FOCAD: variants seen among roughly 807,000 people sequenced by gnomAD.
FOCAD encodes focadhesin, also known as KIAA1797.
Under a neutral mutation model 225.6 loss-of-function variants are expected in FOCAD, and 198 were observed. The observed-to-expected ratio is 0.88, with a 90% CI of 0.78 to 0.99. The LOEUF is 0.99. Among genes scored for constraint, FOCAD ranks in the 50% least tolerant of loss-of-function variants. FOCAD has a pLI of 0.00. For missense variants in FOCAD, 2,713 were observed against 2,123.6 expected, an observed-to-expected ratio of 1.28 and a Z score of -5.46; for synonymous variants, 897 against 755.0, an observed-to-expected ratio of 1.19 and a Z score of -3.08.
At chr9:20,759,915 A>G (rs1337388793) in intron 6 of FOCAD, among the ~76,000 whole-genome samples, 2 of 152,232 alleles carry the variant, frequency 1.3e-5, no homozygotes, top group African/African-American at 4.8e-5. Flanking sequence ...GAGATAAAGT[A>G]TTACTGCCAA....
chr9:20,795,843 T>A (rs895535591), intron 11 of FOCAD, among the ~76,000 whole-genome samples: 18 of 149,866 alleles, frequency 1.2e-4, no homozygotes, highest in Admixed American at 5.9e-4. Flanking sequence ...TTATTTATTT[T>A]TTGTTATACT....
At chr9:20,936,107 G>A (rs527363852) in intron 28 of FOCAD, among the ~76,000 whole-genome samples, 36 of 152,292 alleles carry the variant, frequency 2.4e-4, no homozygotes, top group African/African-American at 7.7e-4. Flanking sequence ...GAGCAACATC[G>A]TAGTTTTTTA....
intron 19 of FOCAD, among the ~76,000 whole-genome samples, chr9:20,881,602 A>T (rs1297370317): frequency 6.6e-6 from 1 of 152,160 alleles, no homozygotes; most frequent in African/African-American, 2.4e-5. Context: ...TGGATTTGGG[A>T]TAGATTTTGA....
chr9:20,845,443 A>ATAT lies in FOCAD; in HGVS notation c.1921-17134_1921-17132dup, dbSNP rs1491193247. Reference sequence around the variant, plus strand: ...ATATATTTTATGCATCTTTTCCTCGATATATATATATATATATATATATGA... The same window carrying ATAT: ...ATATATTTTATGCATCTTTTCCTCGATATTATATATATATATATATATATATGA... On this transcript the variant is annotated intron_variant, in intron 15 of 43. Coordinates refer to ENST00000338382, the MANE Select transcript of FOCAD (RefSeq NM_001375567.1). Among the ~76,000 whole-genome samples, 3 of 12,890 alleles carry ATAT rather than the reference A, an allele frequency of 2.3e-4. 1 individual carries two copies. Among genetic ancestry groups the ATAT allele is most frequent in the South Asian group, 4.1e-3 (2 of 490 alleles). The allele number at this position is 12,890 out of a possible 152,430, so 8.5% of individuals were successfully genotyped here. A position where few individuals can be genotyped will look rare whatever the true frequency, so the allele number is the denominator to read the frequency against.
chr9:20,981,660 T>G lies in FOCAD; in HGVS notation c.4612T>G (p.Phe1538Val). The G allele has an allele frequency of 6.2e-7, 1 of 1,610,414 alleles. No homozygotes were observed. Among genetic ancestry groups the G allele is most frequent in the Non-Finnish European group, 8.5e-7 (1 of 1,178,556 alleles). ...GCTCTCTGAAGCTACTGGGAAAATT[T>G]TTGACCTCCTGCCAAATAAGATTCG... ...SLLSEATGKIFDLLPNKIRRK... is the reference protein window; with the variant it reads ...SLLSEATGKIVDLLPNKIRRK... Residue 1538 changes from phenylalanine (F) to valine (V), a missense_variant, in exon 38 of 44, where the codon TTT (phenylalanine) becomes GTT (valine). By Grantham distance (50) the Phe-to-Val change is conservative. Coordinates refer to ENST00000338382, the MANE Select transcript of FOCAD (RefSeq NM_001375567.1).
intron 2 of FOCAD, among the ~76,000 whole-genome samples, chr9:20,670,682 G>A (rs141588400): frequency 5.3e-5 from 8 of 152,140 alleles, no homozygotes; most frequent in Admixed American, 2.0e-4. Flanking sequence ...GCTTTGGGGT[G>A]GGGTGGCCAG....
chr9:20,691,011 C>T (rs1028375085), intron 1 of FOCAD, among the ~76,000 whole-genome samples: 2 of 151,822 alleles, frequency 1.3e-5, no homozygotes, highest in Non-Finnish European at 2.9e-5. Flanking sequence ...GGCGTGACCT[C>T]GGCTCACTGC....
At chr9:20,908,271 G>C (rs1833150597) in intron 22 of FOCAD, among the ~76,000 whole-genome samples, 2 of 152,074 alleles carry the variant, frequency 1.3e-5, no homozygotes, top group Non-Finnish European at 2.9e-5. Context: ...ATTGTGGTTA[G>C]AGATAACAGC....
At chr9:20,662,376 T>C (rs763403038) in intron 2 of FOCAD, among the ~76,000 whole-genome samples, 3 of 152,196 alleles carry the variant, frequency 2.0e-5, no homozygotes, top group Non-Finnish European at 4.4e-5. Flanking sequence ...AAGAGCCATC[T>C]TAGCCAAAGT....
intron 10 of FOCAD, among the ~76,000 whole-genome samples, chr9:20,787,812 T>G (rs1360740541): frequency 6.6e-6 from 1 of 152,002 alleles, no homozygotes; most frequent in Non-Finnish European, 1.5e-5. Flanking sequence ...TTCTCCTCAC[T>G]CTCTTTGAAA....
chr9:20,866,879 G>A (rs368996715), intron 17 of FOCAD, 50 bp from the exon 18 acceptor site: 1 of 705,552 alleles, frequency 1.4e-6, no homozygotes, highest in Non-Finnish European at 1.8e-6. Flanking sequence ...GTGTTTTTTT[G>A]TTTGCTTGCT....
At position 20,815,472 on chromosome 9, in the gene FOCAD, ACCAGATATAGTAT is replaced by A. The variant is rs1823629695; in HGVS notation, c.1456-4319_1456-4307del. Among the ~76,000 whole-genome samples the A allele has an allele frequency of 6.6e-5, 10 of 151,570 alleles. No individual in the cohort carries two copies. In the South Asian group the frequency reaches 2.1e-3, roughly 32 times the overall value. On this transcript the variant is annotated intron_variant, in intron 11 of 43. Coordinates refer to ENST00000338382, the MANE Select transcript of FOCAD (RefSeq NM_001375567.1). ...TCCTTCGTTTTTGAAGGATAGTTTT[ACCAGATATAGTAT>A]CCAGTATCTTGGTTGGCAGTACCTA...
rs533223213 is a variant in FOCAD at position 20,974,771 on chromosome 9, G to C, written c.4133-1649G>C. Among the ~76,000 whole-genome samples the C allele has an allele frequency of 4.8e-5, 7 of 145,312 alleles. No individual in the cohort carries two copies. In the South Asian group the frequency reaches 1.5e-3, roughly 32 times the overall value. On this transcript the variant is annotated intron_variant, in intron 35 of 43. Transcript: ENST00000338382. ...TGCTGACTCTTGCTTCCCCATTTTAGCATCTGCTAATTTGGCCTCTGCTTC... is the reference window on the plus strand; with the variant it reads ...TGCTGACTCTTGCTTCCCCATTTTACCATCTGCTAATTTGGCCTCTGCTTC...
At chr9:20,693,350 C>A (rs909187157) in intron 1 of FOCAD, among the ~76,000 whole-genome samples, 10 of 152,200 alleles carry the variant, frequency 6.6e-5, no homozygotes, top group Admixed American at 2.0e-4. Context: ...CTTTCCCTGA[C>A]CATCCTTTTA....
chr9:20,710,042 G>A (rs1419389650), intron 1 of FOCAD, among the ~76,000 whole-genome samples: 1 of 152,022 alleles, frequency 6.6e-6, no homozygotes, highest in Non-Finnish European at 1.5e-5. Flanking sequence ...ACAGCATTCT[G>A]GGCCTGGATC....
chr9:20,855,954 G>T (rs769691865), intron 15 of FOCAD, among the ~76,000 whole-genome samples: 8 of 151,488 alleles, frequency 5.3e-5, no homozygotes, highest in Non-Finnish European at 1.2e-4. Flanking sequence ...ATATTCCATT[G>T]TGTGTCTATA....
At chr9:20,664,894 A>C (rs1422700187) in intron 2 of FOCAD, among the ~76,000 whole-genome samples, 2 of 152,084 alleles carry the variant, frequency 1.3e-5, no homozygotes, top group Non-Finnish European at 2.9e-5. Context: ...TACCTCAATA[A>C]AACTATTTTT....
intron 2 of FOCAD, chr9:20,716,292 A>G (rs1332164030): frequency 7.4e-6 from 2 of 269,470 alleles, no homozygotes; most frequent in Non-Finnish European, 8.8e-6. Flanking sequence ...GTTAACATAG[A>G]TAATCAAGAA....
At chr9:20,807,020 G>A (rs1467472409) in intron 11 of FOCAD, among the ~76,000 whole-genome samples, 1 of 152,134 alleles carries the variant, frequency 6.6e-6, no homozygotes, top group Non-Finnish European at 1.5e-5. Flanking sequence ...CTACAAGTAT[G>A]TTTTCCTGTC....
Sources: gnomAD v4.1 joint callset for allele counts (sites outside exome capture counted in the v4.1 genomes callset) on GRCh38, gnomAD v4.1.1 for gene constraint, MANE v1.5 for transcripts, NCBI Gene and HGNC (gene_info 2026-07-23, HGNC 2026-07-21) for gene names.